AHCY: variants seen among roughly 807,000 people sequenced by gnomAD.
AHCY encodes adenosylhomocysteinase.
Under a neutral mutation model 45.4 loss-of-function variants are expected in AHCY, and 24 were observed. That is an observed-to-expected ratio of 0.53 (90% CI 0.38 to 0.74). AHCY has a LOEUF of 0.74. AHCY is among the 30% of genes least tolerant of loss of function. The probability of loss-of-function intolerance (pLI) is 0.00; values close to 1 mark genes in which losing one functional copy is unlikely to be tolerated. For missense variants in AHCY, 449 were observed against 594.1 expected, an observed-to-expected ratio of 0.76 and a Z score of 2.54; for synonymous variants, 245 against 235.1, an observed-to-expected ratio of 1.04 and a Z score of -0.39.
At chr20:34,262,488 A>G in the AHCY span, among the ~76,000 whole-genome samples, 3 of 152,186 alleles carry the variant, frequency 2.0e-5, no homozygotes, top group East Asian at 1.9e-4. Flanking sequence ...GCCTGCCACA[A>G]TGGAGATGAA....
upstream of AHCY, among the ~76,000 whole-genome samples, chr20:34,308,352 G>A (rs1351418056): frequency 1.3e-5 from 2 of 152,076 alleles, no homozygotes; most frequent in Admixed American, 1.3e-4. Context: ...GGAGTTCAAG[G>A]CCAGCCTGGC....
downstream of AHCY, among the ~76,000 whole-genome samples, chr20:34,275,682 C>CT (rs57480737): frequency 0.019 from 2,659 of 140,054 alleles, 57 homozygotes; most frequent in African/African-American, 0.049. Context: ...TTATATCTTT[C>CT]TTTTTTTTTT....
At chr20:34,293,898 AG>A in intron 3 of AHCY, 182 bp downstream of exon 3, 1 of 690,646 alleles carries the variant, frequency 1.4e-6, no homozygotes, top group South Asian at 1.6e-5. Flanking sequence ...CAACTTCCAC[AG>A]GATTTTAGAT....
the AHCY span, among the ~76,000 whole-genome samples, chr20:34,239,654 T>C: frequency 2.0e-5 from 3 of 152,224 alleles, no homozygotes; most frequent in African/African-American, 4.8e-5. Flanking sequence ...ACAGTTTATG[T>C]GACTTGTCCA....
chr20:34,283,827 C>G (rs894979331), intron 9 of AHCY, among the ~76,000 whole-genome samples: 9 of 152,218 alleles, frequency 5.9e-5, no homozygotes, highest in African/African-American at 2.2e-4. Flanking sequence ...CAGGCCTCTT[C>G]CTGCGTCTTC....
chr20:34,291,226 A>G (rs1424379108), intron 5 of AHCY, among the ~76,000 whole-genome samples, 193 bp downstream of exon 5: 2 of 152,230 alleles, frequency 1.3e-5, no homozygotes, highest in Middle Eastern at 3.4e-3. Context: ...CTTCTTCCCA[A>G]AGCCATAAAG....
At chr20:34,265,544 A>G in the AHCY span, among the ~76,000 whole-genome samples, 3 of 152,192 alleles carry the variant, frequency 2.0e-5, no homozygotes, top group Admixed American at 6.5e-5. Flanking sequence ...AGGATTTTTG[A>G]CTGTGTGTAA....
rs1015217789 is a variant in AHCY at position 34,301,250 on chromosome 20, G to A, written c.28+1993C>T. Among the ~76,000 whole-genome samples, 10 of 152,108 alleles carry A rather than the reference G, an allele frequency of 6.6e-5. No individual in the cohort carries two copies. In the East Asian group the frequency reaches 1.3e-3, roughly 20 times the overall value. ...CCTCCTGGGAGGGGCCCGGCTGTAT[G>A]GGACAATGGGTTATGCCCTGTGCTG... On this transcript the variant is annotated intron_variant, in intron 1 of 9. Transcript: ENST00000217426.
the AHCY span, chr20:34,260,564 C>T: frequency 6.3e-7 from 1 of 1,577,116 alleles, no homozygotes; most frequent in Non-Finnish European, 8.7e-7. Flanking sequence ...GGCTCTGGCC[C>T]AGGAGAGGGG....
At chr20:34,306,437 G>C (rs1249493628), upstream of AHCY, among the ~76,000 whole-genome samples, 2 of 149,918 alleles carry the variant, frequency 1.3e-5, no homozygotes, top group African/African-American at 4.9e-5. Flanking sequence ...GTGTGATCTC[G>C]GCTCACTGCA....
At chr20:34,288,071 T>C (rs1313027557) in intron 8 of AHCY, among the ~76,000 whole-genome samples, 1 of 152,192 alleles carries the variant, frequency 6.6e-6, no homozygotes, top group African/African-American at 2.4e-5. Context: ...ACCCCCACAC[T>C]GTGATGAGTG....
At chr20:34,297,565 G>A (rs960503039) in intron 1 of AHCY, among the ~76,000 whole-genome samples, 1 of 151,962 alleles carries the variant, frequency 6.6e-6, no homozygotes, top group African/African-American at 2.4e-5. Context: ...CAAAGTGCTG[G>A]GATTACAGGT....
At chr20:34,298,217 G>A (rs1601677732) in intron 1 of AHCY, among the ~76,000 whole-genome samples, 2 of 152,082 alleles carry the variant, frequency 1.3e-5, no homozygotes, top group Admixed American at 6.5e-5. Context: ...CAGAGGACAC[G>A]AGCTGTTCCA....
chr20:34,291,186 C>T (rs1035677055), intron 5 of AHCY, among the ~76,000 whole-genome samples: 4 of 152,188 alleles, frequency 2.6e-5, no homozygotes, highest in African/African-American at 9.7e-5. Flanking sequence ...AGAGATTGCC[C>T]GGTCAAAGAC....
At chr20:34,302,903 G>C in intron 1 of AHCY, 1 of 985,458 alleles carries the variant, frequency 1.0e-6, no homozygotes, top group Non-Finnish European at 1.2e-6. Context: ...GAGGCCGGGC[G>C]CAGGCCCCCC....
chr20:34,265,992 T>A, the AHCY span, among the ~76,000 whole-genome samples: 1 of 152,054 alleles, frequency 6.6e-6, no homozygotes, highest in East Asian at 1.9e-4. Context: ...ACATTGTTAG[T>A]AAATTCTGGG....
In AHCY at chr20:34,295,466, T is replaced by C; in HGVS notation, c.148A>G (p.Ile50Val). 6.2e-7 allele frequency: 1 copy of C among 1,614,126 alleles called. No individual in the cohort carries two copies. The highest frequency in any genetic ancestry group is 8.5e-7 in the Non-Finnish European group (1 of 1,180,034). ...SASKPLKGAR[I>V]AGCLHMTVET... is the part of the protein sequence containing the mutation. ...ACGGTCATGTGCAGGCAGCCAGCGA[T>C]GCGGGCGCCCTTCAGTGGCTTGGAG... The change falls in exon 2 of 10, where the codon ATC (isoleucine) becomes GTC (valine). Residue 50 changes from isoleucine to valine, a missense_variant. Coordinates refer to ENST00000217426, the MANE Select transcript of AHCY (RefSeq NM_000687.4).
intron 2 of AHCY, among the ~76,000 whole-genome samples, chr20:34,294,794 T>C (rs758218789): frequency 1.3e-5 from 2 of 152,188 alleles, no homozygotes; most frequent in African/African-American, 2.4e-5. Context: ...TCCAGGCTAG[T>C]ACAAAAATGT....
At chr20:34,267,748 C>A in the AHCY span, among the ~76,000 whole-genome samples, 1 of 151,692 alleles carries the variant, frequency 6.6e-6, no homozygotes, top group Non-Finnish European at 1.5e-5. Context: ...TCGGGCTGGT[C>A]CCAAACTCCC....
Sources: allele counts gnomAD v4.1 joint callset (sites outside exome capture counted in the v4.1 genomes callset), GRCh38; gene constraint gnomAD v4.1.1; transcripts MANE v1.5; gene names NCBI Gene and HGNC (gene_info 2026-07-23, HGNC 2026-07-21).